TMEM117: variants seen among roughly 807,000 people sequenced by gnomAD.
The protein encoded by TMEM117 is transmembrane protein 117.
TMEM117 carries 27 observed loss-of-function variants against 52.4 expected under a neutral mutation model. That is an observed-to-expected ratio of 0.51 (90% confidence interval 0.38 to 0.71). The LOEUF (loss-of-function observed/expected upper bound fraction) is 0.71. Ranked by LOEUF, TMEM117 falls within the 30% of genes least tolerant of loss-of-function variation. The pLI, the probability that TMEM117 is intolerant of heterozygous loss-of-function variation, is 0.00. For missense variants in TMEM117, 556 were observed against 630.5 expected (o/e 0.88, Z 1.26); for synonymous variants, 215 against 206.3 (o/e 1.04, Z -0.36).
chr12:44,106,967 G>C (rs1947966398), intron 3 of TMEM117, among the ~76,000 whole-genome samples: 1 of 151,624 alleles, frequency 6.6e-6, no homozygotes, highest in Non-Finnish European at 1.5e-5. Context: ...TACTAACATT[G>C]CATTCATAAG....
intron 6 of TMEM117, among the ~76,000 whole-genome samples, chr12:44,333,778 A>G (rs1404560538): frequency 1.3e-5 from 2 of 151,952 alleles, no homozygotes; most frequent in African/African-American, 4.8e-5. Context: ...AGTTGTGGTG[A>G]TTTGTATTAT....
intron 2 of TMEM117, among the ~76,000 whole-genome samples, chr12:43,923,398 G>A (rs759290338): frequency 6.6e-6 from 1 of 152,144 alleles, no homozygotes; most frequent in Non-Finnish European, 1.5e-5. Flanking sequence ...GACCAGGGTG[G>A]CATCTGGTCA....
At chr12:43,911,939 C>A (rs1278574187) in intron 2 of TMEM117, among the ~76,000 whole-genome samples, 1 of 132,358 alleles carries the variant, frequency 7.6e-6, no homozygotes, top group Non-Finnish European at 1.7e-5. Context: ...GTCAGTGTGG[C>A]GATTCCTCAG....
intron 3 of TMEM117, among the ~76,000 whole-genome samples, chr12:43,992,136 A>G (rs1035912110): frequency 9.3e-4 from 141 of 151,940 alleles, no homozygotes; most frequent in Non-Finnish European, 1.8e-4. Flanking sequence ...GCACTCCAGT[A>G]CACTCCAGTC....
At chr12:43,839,253 C>T (rs150058756) in intron 1 of TMEM117, among the ~76,000 whole-genome samples, 2 of 152,126 alleles carry the variant, frequency 1.3e-5, no homozygotes, top group African/African-American at 4.8e-5. Flanking sequence ...AGGAAACAGA[C>T]AGGCCTTTCT....
intron 6 of TMEM117, among the ~76,000 whole-genome samples, chr12:44,364,102 A>C (rs1338929877): frequency 6.6e-6 from 1 of 152,180 alleles, no homozygotes; most frequent in Non-Finnish European, 1.5e-5. Flanking sequence ...ATATCCATAA[A>C]GCAAAGCCTT....
At chr12:44,074,618 T>C (rs1002818025) in intron 3 of TMEM117, among the ~76,000 whole-genome samples, 1 of 152,184 alleles carries the variant, frequency 6.6e-6, no homozygotes, top group African/African-American at 2.4e-5. Flanking sequence ...TAGAGATGAA[T>C]GAGGCTTTAA....
chr12:43,906,930 C>T (rs1184175969), intron 2 of TMEM117, among the ~76,000 whole-genome samples: 3 of 152,244 alleles, frequency 2.0e-5, no homozygotes, highest in Non-Finnish European at 4.4e-5. Context: ...GGGGCGCCTG[C>T]CATTGCCCAG....
Position 44,376,612 on chromosome 12 carries a change from T to C in TMEM117, c.786T>C (p.His262=), listed in dbSNP as rs751330416. ...TCTGACAGGACTGGGAATTCCCACATTTCATGGGAGATGTTGATGTAAATC... is the reference window on the plus strand; with the variant it reads ...TCTGACAGGACTGGGAATTCCCACACTTCATGGGAGATGTTGATGTAAATC... The part of the protein sequence containing the change: ...LIVMQDWEFP[H]FMGDVDVNLP... The change falls in exon 7 of 8, where the codon CAT becomes CAC. Residue 262 remains histidine (H), a synonymous_variant. Coordinates refer to ENST00000266534, the MANE Select transcript of TMEM117 (RefSeq NM_032256.3). The C allele has an allele frequency of 2.1e-5, 34 of 1,607,602 alleles. No homozygotes were observed. The South Asian group carries it at 3.0e-4, about 14-fold the overall frequency.
chr12:44,096,383 CA>C (rs1351746671), intron 3 of TMEM117, among the ~76,000 whole-genome samples: 9 of 151,724 alleles, frequency 5.9e-5, no homozygotes, highest in African/African-American at 2.2e-4. Context: ...CATATGGAAC[CA>C]AAAAAGAGCC....
At chr12:43,889,550 C>T in intron 2 of TMEM117, among the ~76,000 whole-genome samples, 1 of 152,248 alleles carries the variant, frequency 6.6e-6, no homozygotes, top group Non-Finnish European at 1.5e-5. Context: ...CAGTTCCTAA[C>T]AGGCCATGGA....
intron 2 of TMEM117, among the ~76,000 whole-genome samples, chr12:43,873,678 T>G (rs1405659691): frequency 6.6e-6 from 1 of 152,094 alleles, no homozygotes; most frequent in Non-Finnish European, 1.5e-5. Context: ...TTCTACCTAT[T>G]TTTACTGTAT....
chr12:44,292,014 A>G (rs1336838477), intron 5 of TMEM117, among the ~76,000 whole-genome samples: 2 of 151,968 alleles, frequency 1.3e-5, no homozygotes, highest in African/African-American at 4.8e-5. Context: ...ATGAGATTGG[A>G]GGTATCCTCT....
At chr12:43,952,233 C>G (rs1945236149) in intron 3 of TMEM117, among the ~76,000 whole-genome samples, 1 of 152,108 alleles carries the variant, frequency 6.6e-6, no homozygotes, top group Admixed American at 6.5e-5. Flanking sequence ...TGCCTCTTTT[C>G]CTCCAAATGA....
intron 6 of TMEM117, among the ~76,000 whole-genome samples, chr12:44,356,666 T>C (rs546961920): frequency 1.3e-4 from 20 of 152,118 alleles, no homozygotes; most frequent in Non-Finnish European, 2.6e-4. Flanking sequence ...CCCTTTAGTC[T>C]CTCAAGTAAG....
At chr12:44,029,225 A>AGAGACCCCT (rs1408049831) in intron 3 of TMEM117, among the ~76,000 whole-genome samples, 16 of 152,226 alleles carry the variant, frequency 1.1e-4, no homozygotes. Flanking sequence ...TTAGGGGGTT[A>AGAGACCCCT]GAGACCCCTC....
chr12:44,026,382 A>G (rs1228402050), intron 3 of TMEM117, among the ~76,000 whole-genome samples: 1 of 152,142 alleles, frequency 6.6e-6, no homozygotes, highest in Non-Finnish European at 1.5e-5. Flanking sequence ...ACCTTTGCAC[A>G]TGCTGGCCCA....
chr12:43,965,729 C>G (rs1211824278), intron 3 of TMEM117, among the ~76,000 whole-genome samples: 1 of 152,072 alleles, frequency 6.6e-6, no homozygotes, highest in Non-Finnish European at 1.5e-5. Context: ...GCAATGAGCA[C>G]TTCACTATTT....
At chr12:44,237,303 C>A (rs773737761) in intron 5 of TMEM117, among the ~76,000 whole-genome samples, 1 of 151,806 alleles carries the variant, frequency 6.6e-6, no homozygotes, top group Non-Finnish European at 1.5e-5. Context: ...AGCCCCCGGA[C>A]GTTGTTCGAA....
Sources: gnomAD v4.1 joint callset for allele counts (sites outside exome capture counted in the v4.1 genomes callset) on GRCh38, gnomAD v4.1.1 for gene constraint, MANE v1.5 for transcripts, NCBI Gene and HGNC (gene_info 2026-07-23, HGNC 2026-07-21) for gene names.